DCLRE1B: variants seen among roughly 807,000 people sequenced by gnomAD.
DCLRE1B encodes 5' exonuclease Apollo.
In DCLRE1B, 6 loss-of-function variants were observed where a neutral mutation model predicts 19.8. The observed-to-expected ratio is 0.30, with a 90% CI of 0.17 to 0.60. DCLRE1B has a LOEUF of 0.60. DCLRE1B is among the 20% of genes least tolerant of loss of function. The probability of loss-of-function intolerance (pLI) is 0.87; values close to 1 mark genes in which losing one functional copy is unlikely to be tolerated. For synonymous variants in DCLRE1B, 258 were observed against 255.7 expected, an observed-to-expected ratio of 1.01 and a Z score of -0.09; for missense variants, 622 against 654.2, an observed-to-expected ratio of 0.95 and a Z score of 0.54.
Position 113,905,748 on chromosome 1 carries a change from A to C in DCLRE1B, c.162A>C (p.Thr54=), listed in dbSNP as rs1350444079. The C allele has an allele frequency of 1.9e-6, 3 of 1,613,598 alleles. No individual in the cohort carries two copies. Among genetic ancestry groups the C allele is most frequent in the Non-Finnish European group, 2.5e-6 (3 of 1,179,842 alleles). ...WARPLYCSPI[T]AHLLHRHLQV... ...GGCCCCTCTACTGCTCCCCAATTAC[A>C]GCCCACCTCTTGCATCGTCACCTAC... Residue 54 remains threonine (T), a synonymous_variant, in exon 1 of 4, where the codon ACA becomes ACC. Transcript: ENST00000650450.
chr1:113,904,909 C>G (rs1668788117), upstream of DCLRE1B: 1 of 602,182 alleles, frequency 1.7e-6, no homozygotes, highest in Admixed American at 2.3e-5. Context: ...TCCGCGACAC[C>G]GCGAGCCCCA....
chr1:113,907,850 A>T (rs549531252), intron 2 of DCLRE1B, among the ~76,000 whole-genome samples, 159 bp from the exon 3 acceptor site: 3 of 152,326 alleles, frequency 2.0e-5, no homozygotes, highest in Admixed American at 6.5e-5. Flanking sequence ...CATTACAACA[A>T]AGAAACCATG....
chr1:113,905,109 T>C (rs2101060650), upstream of DCLRE1B: 1 of 358,858 alleles, frequency 2.8e-6, no homozygotes, highest in South Asian at 2.4e-5. Context: ...CCAATCTTGC[T>C]TTCTGCGGAA....
Position 113,907,151 on chromosome 1 carries a change from C to G in DCLRE1B, c.345C>G (p.Ile115Met). The change falls in exon 2 of 4, where the codon ATC (isoleucine) becomes ATG (methionine). Residue 115 changes from isoleucine (I) to methionine (M), a missense_variant. By Grantham distance (10) the Ile-to-Met change is conservative. Around this residue, in one of 3 missense-constraint regions of DCLRE1B, gnomAD observed 237 missense variants for 223.8 expected, o/e 1.06. Coordinates refer to ENST00000650450, the MANE Select transcript of DCLRE1B (RefSeq NM_022836.4). ...MFLFEGYFGT[I>M]LYTGDFRYTP... ...TCTTTGAAGGATATTTTGGAACCAT[C>G]CTCTACACAGGTGGGCCTCTCAAGG... 6.2e-7 allele frequency: 1 copy of G among 1,602,100 alleles called. No individual in the cohort carries two copies. Among genetic ancestry groups the G allele is most frequent in the Non-Finnish European group, 8.5e-7 (1 of 1,173,846 alleles).
chr1:113,908,275 T>G, intron 3 of DCLRE1B, 84 bp downstream of exon 3: 1 of 1,529,074 alleles, frequency 6.5e-7, no homozygotes, highest in Non-Finnish European at 8.8e-7. Context: ...CAGATCTTTG[T>G]GCAGTTCTCA....
At chr1:113,907,209 T>TTTTTTTTTG in intron 2 of DCLRE1B, 48 bp downstream of exon 2, 1 of 729,466 alleles carries the variant, frequency 1.4e-6, no homozygotes. Flanking sequence ...TAGATGTTTT[T>TTTTTTTTTG]TTTTTTTTTT....
intron 2 of DCLRE1B, 73 bp downstream of exon 2, chr1:113,907,234 T>TTTTTTTG (rs369506973): frequency 1.0e-6 from 1 of 985,196 alleles, no homozygotes; most frequent in African/African-American, 1.9e-5. Context: ...TTTTTTTTTT[T>TTTTTTTG]AATGTATAGA....
chr1:113,908,794 C>T (rs1354644982), intron 3 of DCLRE1B, among the ~76,000 whole-genome samples: 1 of 146,946 alleles, frequency 6.8e-6, no homozygotes, highest in Non-Finnish European at 1.5e-5. Context: ...GGCCCATGCA[C>T]ATACGCGTGC....
In DCLRE1B at chr1:113,905,741, C is replaced by G. The variant is rs867571563; in HGVS notation, c.155C>G (p.Pro52Arg). The G allele has an allele frequency of 6.2e-7, 1 of 1,613,998 alleles. No homozygotes were observed. The highest frequency in any genetic ancestry group is 1.1e-5 in the South Asian group (1 of 91,062). The change falls in exon 1 of 4, where the codon CCA (proline) becomes CGA (arginine). Residue 52 changes from proline (P) to arginine (R), a missense_variant. By Grantham distance (103) the Pro-to-Arg change is moderately radical (BLOSUM62 -2). This residue lies in a region of DCLRE1B where 237 missense variants were observed against 223.8 expected (regional missense o/e 1.06). Coordinates refer to ENST00000650450, the MANE Select transcript of DCLRE1B (RefSeq NM_022836.4). ...STWARPLYCSPITAHLLHRHL... is the reference protein window; with the variant it reads ...STWARPLYCSRITAHLLHRHL... The stretch of plus-strand genomic sequence containing the variant: ...TGGGCCCGGCCCCTCTACTGCTCCC[C>G]AATTACAGCCCACCTCTTGCATCGT...
intron 2 of DCLRE1B, 43 bp downstream of exon 2, chr1:113,907,204 G>GTTTTGTTTTT: frequency 2.0e-6 from 1 of 491,100 alleles, no homozygotes; most frequent in Non-Finnish European, 2.8e-6. Flanking sequence ...CAGACTAGAT[G>GTTTTGTTTTT]TTTTTTTTTT....
intron 3 of DCLRE1B, among the ~76,000 whole-genome samples, chr1:113,909,319 CTT>C (rs1267645890): frequency 1.3e-5 from 2 of 152,116 alleles, no homozygotes; most frequent in Non-Finnish European, 2.9e-5. Flanking sequence ...GTTGAGGACT[CTT>C]TCTTGGAGTT....
chr1:113,905,735 G>A lies in DCLRE1B; in HGVS notation c.149G>A (p.Cys50Tyr). Residue 50 changes from cysteine (C) to tyrosine (Y), a missense_variant, in exon 1 of 4, where the codon TGC becomes TAC. Transcript: ENST00000650450. ...AGCACCTGGGCCCGGCCCCTCTACT[G>A]CTCCCCAATTACAGCCCACCTCTTG... ...LSSTWARPLY[C>Y]SPITAHLLHR... The A allele has an allele frequency of 6.2e-7, 1 of 1,614,020 alleles. No homozygotes were observed. Among genetic ancestry groups the A allele is most frequent in the Non-Finnish European group, 8.5e-7 (1 of 1,179,990 alleles).
upstream of DCLRE1B, chr1:113,905,232 ACTCT>A (rs1668837033): frequency 3.0e-6 from 1 of 331,288 alleles, no homozygotes; most frequent in African/African-American, 2.2e-5. Context: ...CCAACCTCTC[ACTCT>A]CCAGGCGCAG....
chr1:113,907,204 G>GTTTTTTT (rs71090746), intron 2 of DCLRE1B, 43 bp downstream of exon 2: 4,954 of 491,874 alleles, frequency 0.01, 1,152 homozygotes, highest in African/African-American at 0.085. Flanking sequence ...CAGACTAGAT[G>GTTTTTTT]TTTTTTTTTT....
In DCLRE1B at chr1:113,905,673, G is replaced by A; in HGVS notation, c.87G>A (p.Leu29=). ...CTGGCACCGCACGTCTCTTCTTCTT[G>A]TCTCACATGCACTCGGACCACACCG... ...RRAGTARLFF[L]SHMHSDHTVG... The change falls in exon 1 of 4, where the codon TTG becomes TTA. Residue 29 remains leucine, a synonymous_variant. Coordinates refer to ENST00000650450, the MANE Select transcript of DCLRE1B (RefSeq NM_022836.4). 2 of 1,614,170 alleles carry A rather than the reference G, an allele frequency of 1.2e-6. No homozygotes were observed. The highest frequency in any genetic ancestry group is 1.7e-6 in the Non-Finnish European group (2 of 1,180,042).
Position 113,912,219 on chromosome 1 carries a change from T to A in DCLRE1B, c.*28T>A, listed in dbSNP as rs763505126. 1.9e-6 allele frequency: 3 copies of A among 1,566,620 alleles called. No individual in the cohort carries two copies. Among genetic ancestry groups the A allele is most frequent in the Non-Finnish European group, 1.7e-6 (2 of 1,158,516 alleles). The stretch of plus-strand genomic sequence containing the variant: ...ACAGGAGAGTACAGAATGACAACAT[T>A]GAGCCCACACTGCAGTTTTGAAGAT... On this transcript the variant is annotated 3_prime_UTR_variant, in exon 4 of 4. Coordinates refer to ENST00000650450, the MANE Select transcript of DCLRE1B (RefSeq NM_022836.4).
At position 113,908,012 on chromosome 1, in the gene DCLRE1B, A is replaced by G. The variant is rs2101069936; in HGVS notation, c.359A>G (p.Asp120Gly). ...CCCCATGTACATATTCCTCCAGGTG[A>G]TTTTCGATACACACCATCCATGCTA... ...GYFGTILYTGDFRYTPSMLKE... is the reference protein window; with the variant it reads ...GYFGTILYTGGFRYTPSMLKE... Residue 120 changes from aspartate to glycine, a missense_variant, in exon 3 of 4, where the codon GAT (aspartate) becomes GGT (glycine). By Grantham distance (94) the Asp-to-Gly change is moderately conservative. Coordinates refer to ENST00000650450, the MANE Select transcript of DCLRE1B (RefSeq NM_022836.4). The G allele has an allele frequency of 6.2e-7, 1 of 1,612,836 alleles. No individual in the cohort carries two copies. Among genetic ancestry groups the G allele is most frequent in the East Asian group, 2.2e-5 (1 of 44,862 alleles).
chr1:113,904,750 T>A (rs1402012596), upstream of DCLRE1B: 1 of 1,583,142 alleles, frequency 6.3e-7, no homozygotes, highest in Non-Finnish European at 8.7e-7. Context: ...CTCCCACAGC[T>A]CCCACGGTAA....
Position 113,905,671 on chromosome 1 carries a change from T to G in DCLRE1B, c.85T>G (p.Leu29Val). 1 of 1,614,204 alleles carries G rather than the reference T, an allele frequency of 6.2e-7. No homozygotes were observed. Among genetic ancestry groups the G allele is most frequent in the Non-Finnish European group, 8.5e-7 (1 of 1,180,040 alleles). Residue 29 changes from leucine (L) to valine (V), a missense_variant, in exon 1 of 4, where the codon TTG (leucine) becomes GTG (valine). This residue lies in a region of DCLRE1B where 237 missense variants were observed against 223.8 expected (regional missense o/e 1.06). Coordinates refer to ENST00000650450, the MANE Select transcript of DCLRE1B (RefSeq NM_022836.4). Reference sequence around the variant, plus strand: ...GGCTGGCACCGCACGTCTCTTCTTCTTGTCTCACATGCACTCGGACCACAC... The same window carrying G: ...GGCTGGCACCGCACGTCTCTTCTTCGTGTCTCACATGCACTCGGACCACAC... The part of the protein sequence containing the change: ...RRAGTARLFF[L>V]SHMHSDHTVG...
Sources: gnomAD v4.1 joint callset for allele counts (sites outside exome capture counted in the v4.1 genomes callset) on GRCh38, gnomAD v4.1.1 for gene constraint, gnomAD v4.1.1 regional missense constraint, MANE v1.5 for transcripts, NCBI Gene and HGNC (gene_info 2026-07-23, HGNC 2026-07-21) for gene names.